The following SPECC1 variants were observed in gnomAD, a reference collection of about 807,000 sequenced individuals.
The protein encoded by SPECC1 is cytospin-B.
In SPECC1, 62 loss-of-function variants were observed where a neutral mutation model predicts 104.1. The observed-to-expected ratio is 0.60, with a 90% confidence interval of 0.49 to 0.74. The LOEUF (loss-of-function observed/expected upper bound fraction) is 0.74, where lower values mean the gene tolerates loss of function less well. Ranked by LOEUF, SPECC1 falls within the 30% of genes least tolerant of loss-of-function variation. The probability of loss-of-function intolerance (pLI) is 0.00; values close to 1 mark genes in which losing one functional copy is unlikely to be tolerated. For missense variants in SPECC1, 1,306 were observed against 1,310.5 expected, an observed-to-expected ratio of 1.00 and a Z score of 0.05; for synonymous variants, 513 against 501.6, an observed-to-expected ratio of 1.02 and a Z score of -0.30.
At chr17:20,233,116 G>A (rs917931557) in intron 7 of SPECC1, among the ~76,000 whole-genome samples, 10 of 152,020 alleles carry the variant, frequency 6.6e-5, no homozygotes, top group African/African-American at 2.4e-4. Context: ...AGCATTTTTT[G>A]CTTTAGCTAA....
chr17:20,050,274 G>A (rs2045690926), intron 1 of SPECC1, among the ~76,000 whole-genome samples: 1 of 152,132 alleles, frequency 6.6e-6, no homozygotes, highest in South Asian at 2.1e-4. Context: ...GGTGTTAGGA[G>A]TAAGGTAGGG....
rs574616706 is a variant in SPECC1, at chr17:20,131,718, C to T, written c.283+21156C>T. Among the ~76,000 whole-genome samples the T allele has an allele frequency of 1.8e-4, 25 of 142,840 alleles. No homozygotes were observed. The South Asian group carries it at 3.1e-3, about 18-fold the overall frequency. The allele number at this position is 142,840 out of a possible 152,430, so 93.7% of individuals were successfully genotyped here. ...AGGCTGGAGTGCAGTGGCACAATTT[C>T]GGCTCACTGCAACCTCTGCCTCCCG... On this transcript the variant is annotated intron_variant, in intron 3 of 14. Coordinates refer to ENST00000395527, the MANE Select transcript of SPECC1 (RefSeq NM_001243439.2).
chr17:20,119,726 T>G (rs1009163401), intron 3 of SPECC1, among the ~76,000 whole-genome samples: 1 of 152,170 alleles, frequency 6.6e-6, no homozygotes, highest in Non-Finnish European at 1.5e-5. Flanking sequence ...ACCTCTACAG[T>G]TGTATAGTAT....
chr17:20,107,258 T>C (rs1426484490), intron 2 of SPECC1, among the ~76,000 whole-genome samples: 1 of 151,806 alleles, frequency 6.6e-6, no homozygotes, highest in Non-Finnish European at 1.5e-5. Context: ...AATTACTTGT[T>C]TTTAAAGTTA....
chr17:20,180,461 A>T (rs529144435), intron 3 of SPECC1, among the ~76,000 whole-genome samples: 1 of 152,370 alleles, frequency 6.6e-6, no homozygotes, highest in African/African-American at 2.4e-5. Flanking sequence ...AATGCATAGA[A>T]CAAACACCAG....
rs80253798 is a variant in SPECC1 at position 20,244,886 on chromosome 17, G to A, written c.2352-1040G>A. On this transcript the variant is annotated intron_variant, in intron 7 of 14. Transcript: ENST00000395527. The stretch of plus-strand genomic sequence containing the variant: ...GTTCTTGTCTTGGCTCCTTCACAGG[G>A]AGATCACATGACATGCCAAAGTCCC... Among the ~76,000 whole-genome samples, 4 of 152,258 alleles carry A rather than the reference G, an allele frequency of 2.6e-5. No homozygotes were observed. The East Asian group carries it at 7.7e-4, about 29-fold the overall frequency.
At chr17:20,255,490 G>C (rs1342406956) in intron 10 of SPECC1, among the ~76,000 whole-genome samples, 1 of 152,226 alleles carries the variant, frequency 6.6e-6, no homozygotes, top group Admixed American at 6.5e-5. Context: ...AAGTGAACTA[G>C]GTAAGCCTTT....
In SPECC1 at chr17:20,092,689, G is replaced by A. The variant is rs191845191; in HGVS notation, c.-21-3942G>A. Reference sequence around the variant, plus strand: ...TTGAACACCATCAACAGTTTTTGTCGAGAGGGCGGCTCATAGTTGTCAACA... The same window carrying A: ...TTGAACACCATCAACAGTTTTTGTCAAGAGGGCGGCTCATAGTTGTCAACA... On this transcript the variant is annotated intron_variant, in intron 1 of 14. Transcript: ENST00000395527. Among the ~76,000 whole-genome samples the A allele has an allele frequency of 1.4e-3, 210 of 152,310 alleles. 1 individual carries two copies. The highest frequency in any genetic ancestry group is 1.9e-3 in the Non-Finnish European group (126 of 68,028).
At chr17:20,071,691 G>A (rs913949814) in intron 1 of SPECC1, among the ~76,000 whole-genome samples, 3 of 152,088 alleles carry the variant, frequency 2.0e-5, no homozygotes, top group Non-Finnish European at 4.4e-5. Flanking sequence ...ATTTATAGAT[G>A]CTATTGTAAG....
chr17:20,307,991 G>C (rs1598178661), intron 14 of SPECC1, among the ~76,000 whole-genome samples: 1 of 152,146 alleles, frequency 6.6e-6, no homozygotes, highest in East Asian at 1.9e-4. Flanking sequence ...TCAAAGACTA[G>C]AAGAGAAAAT....
chr17:20,189,617 C>T (rs190123655), intron 3 of SPECC1, among the ~76,000 whole-genome samples: 79 of 152,240 alleles, frequency 5.2e-4, no homozygotes, highest in African/African-American at 1.8e-3. Context: ...TGACACAGAG[C>T]GGTCACTGTG....
intron 7 of SPECC1, chr17:20,237,406 C>T: frequency 2.0e-6 from 1 of 508,992 alleles, no homozygotes; most frequent in South Asian, 8.6e-5. Flanking sequence ...CCTCTGCCTC[C>T]CGGGTTCAAG....
intron 3 of SPECC1, among the ~76,000 whole-genome samples, chr17:20,152,940 C>T (rs1047892732): frequency 7.2e-5 from 11 of 152,328 alleles, no homozygotes; most frequent in African/African-American, 2.6e-4. Context: ...GCTGGGATTA[C>T]AGGCGTGAGC....
At chr17:20,273,274 A>G (rs2151640207) in intron 12 of SPECC1, among the ~76,000 whole-genome samples, 1 of 152,316 alleles carries the variant, frequency 6.6e-6, no homozygotes, top group East Asian at 1.9e-4. Flanking sequence ...GCTTGAGGCC[A>G]GGAGTTCAAG....
chr17:20,081,583 G>A (rs2046975964), intron 1 of SPECC1, among the ~76,000 whole-genome samples: 1 of 152,114 alleles, frequency 6.6e-6, no homozygotes, highest in Non-Finnish European at 1.5e-5. Flanking sequence ...AAGGATCATT[G>A]TGGTTAGTGT....
chr17:20,257,714 T>G, intron 11 of SPECC1, 107 bp downstream of exon 11: 7 of 1,403,926 alleles, frequency 5.0e-6, no homozygotes, highest in Non-Finnish European at 6.8e-6. Flanking sequence ...AAATATTTCC[T>G]GCATGAAAAT....
intron 2 of SPECC1, among the ~76,000 whole-genome samples, chr17:20,097,715 CTT>C (rs2047720866): frequency 6.6e-6 from 1 of 152,146 alleles, no homozygotes; most frequent in East Asian, 1.9e-4. Context: ...TGAAGACACT[CTT>C]AGAGCTAGGC....
intron 1 of SPECC1, among the ~76,000 whole-genome samples, chr17:20,023,057 A>C (rs2044458571): frequency 6.6e-6 from 1 of 152,224 alleles, no homozygotes; most frequent in Non-Finnish European, 1.5e-5. Flanking sequence ...GTTTAGTGAA[A>C]TTGCATATGA....
intron 12 of SPECC1, among the ~76,000 whole-genome samples, chr17:20,282,252 G>C (rs1411443818): frequency 2.0e-5 from 3 of 152,350 alleles, no homozygotes; most frequent in South Asian, 4.1e-4. Context: ...TGTCTCCAGG[G>C]AGGGACTGTG....
Sources: gnomAD v4.1 joint callset for allele counts (sites outside exome capture counted in the v4.1 genomes callset) on GRCh38, gnomAD v4.1.1 for gene constraint, MANE v1.5 for transcripts, NCBI Gene and HGNC (gene_info 2026-07-23, HGNC 2026-07-21) for gene names.